Variants in PIP5K1B observed in about 807,000 individuals in gnomAD.
PIP5K1B encodes phosphatidylinositol-4-phosphate 5-kinase type 1 beta.
PIP5K1B carries 42 observed loss-of-function variants against 67.0 expected under a neutral mutation model. The ratio of observed to expected loss-of-function variants is 0.63; its 90% CI spans 0.49 to 0.81. PIP5K1B has a LOEUF of 0.81. Among genes scored for constraint, PIP5K1B ranks in the 30% least tolerant of loss-of-function variants. The pLI is 0.00. For missense variants in PIP5K1B, 459 were observed against 646.3 expected, an observed-to-expected ratio of 0.71 and a Z score of 3.14; for synonymous variants, 214 against 231.4, an observed-to-expected ratio of 0.92 and a Z score of 0.68.
At chr9:68,774,396 C>T (rs1221316745) in intron 2 of PIP5K1B, among the ~76,000 whole-genome samples, 1 of 152,186 alleles carries the variant, frequency 6.6e-6, no homozygotes, top group Non-Finnish European at 1.5e-5. Flanking sequence ...GGAAGCTCAG[C>T]ATTCCAGTTT....
intron 13 of PIP5K1B, among the ~76,000 whole-genome samples, chr9:68,936,571 AG>A (rs1164728132): frequency 2.0e-5 from 3 of 152,096 alleles, no homozygotes; most frequent in African/African-American, 7.2e-5. Context: ...GACCTCTTCT[AG>A]GGGTTTTCTT....
intron 12 of PIP5K1B, among the ~76,000 whole-genome samples, chr9:68,934,684 A>ATTT (rs1827164509): frequency 6.6e-6 from 1 of 152,246 alleles, no homozygotes; most frequent in Non-Finnish European, 1.5e-5. Flanking sequence ...AAGTCAAGTC[A>ATTT]TTTTGGACAA....
At chr9:68,878,243 A>C (rs1824003155) in intron 6 of PIP5K1B, among the ~76,000 whole-genome samples, 1 of 152,170 alleles carries the variant, frequency 6.6e-6, no homozygotes, top group African/African-American at 2.4e-5. Context: ...CACCAGCTGA[A>C]GAGATGCCTT....
chr9:68,923,148 G>A, intron 11 of PIP5K1B, among the ~76,000 whole-genome samples, 154 bp from the exon 12 acceptor site: 1 of 152,084 alleles, frequency 6.6e-6, no homozygotes, highest in East Asian at 1.9e-4. Flanking sequence ...AGACTCCTGG[G>A]CCCCACGGGC....
rs760855463 is a variant in PIP5K1B at position 68,946,338 on chromosome 9, C to T, written c.1502+5548C>T. On this transcript the variant is annotated intron_variant, in intron 14 of 15. Transcript: ENST00000265382. ...ACAGCCCCTAGTAGGATGATGCACT[C>T]GTTGATGCTAAACATTGAAGACGAC... 1.2e-3 allele frequency among the ~76,000 whole-genome samples: 183 copies of T among 152,122 alleles called. 6 individuals carry two copies. Among genetic ancestry groups the T allele is most frequent in the Non-Finnish European group, 1.2e-3 (82 of 68,022 alleles).
intron 6 of PIP5K1B, among the ~76,000 whole-genome samples, chr9:68,884,073 T>C (rs1338303539): frequency 6.6e-6 from 1 of 152,074 alleles, no homozygotes; most frequent in Non-Finnish European, 1.5e-5. Flanking sequence ...AGGGGAAAAT[T>C]GCGCAGTATT....
intron 4 of PIP5K1B, among the ~76,000 whole-genome samples, chr9:68,830,372 T>C (rs1834245949): frequency 6.6e-6 from 1 of 152,158 alleles, no homozygotes. Flanking sequence ...TTATGAGTTT[T>C]AAGCAGGACA....
chr9:68,925,796 T>TTTTTTTTTTTTTC lies in PIP5K1B; in HGVS notation c.1201+2422_1201+2423insCTTTTTTTTTTTT, dbSNP rs1554739086. Among the ~76,000 whole-genome samples, 50 of 43,336 alleles carry TTTTTTTTTTTTTC rather than the reference T, an allele frequency of 1.2e-3. 4 individuals are homozygous for TTTTTTTTTTTTTC. The highest frequency in any genetic ancestry group is 2.8e-3 in the African/African-American group (44 of 15,562). 28.4% of individuals were successfully genotyped at this position (43,336 alleles called of 152,430 possible). ...CATGAATACCAGCTTGTGGTTCCAATTTTTTTTTTTTTTTTTTTTGAGACA... is the reference window on the plus strand; with the variant it reads ...CATGAATACCAGCTTGTGGTTCCAATTTTTTTTTTTTTCTTTTTTTTTTTTTTTTTTTGAGACA... On this transcript the variant is annotated intron_variant, in intron 12 of 15. Coordinates refer to ENST00000265382, the MANE Select transcript of PIP5K1B (RefSeq NM_003558.4).
chr9:68,992,785 A>C lies in PIP5K1B; in HGVS notation c.1620+1528A>C, dbSNP rs112015497. On this transcript the variant is annotated intron_variant, in intron 15 of 15. Transcript: ENST00000265382. ...CACCTGGGAGGCGGAGGTTGCAATG[A>C]GCCGAGATCATGCCACTGCATTCCC... Among the ~76,000 whole-genome samples the C allele has an allele frequency of 5.8e-3, 780 of 135,624 alleles. 5 individuals are homozygous for C. The highest frequency in any genetic ancestry group is 0.02 in the African/African-American group (709 of 35,400). The allele number at this position is 135,624 out of a possible 152,430, so 89.0% of individuals were successfully genotyped here.
chr9:68,734,215 A>G (rs1241133904), intron 1 of PIP5K1B, among the ~76,000 whole-genome samples: 1 of 152,232 alleles, frequency 6.6e-6, no homozygotes, highest in East Asian at 1.9e-4. Context: ...ATCAAGGCAC[A>G]AAGTATATAC....
chr9:68,856,600 T>C (rs1822791098), intron 4 of PIP5K1B, among the ~76,000 whole-genome samples: 1 of 152,226 alleles, frequency 6.6e-6, no homozygotes, highest in Non-Finnish European at 1.5e-5. Context: ...TTTGTCTGTT[T>C]AATGTCTCTT....
intron 2 of PIP5K1B, chr9:68,786,172 A>T (rs1160902446): frequency 6.6e-6 from 1 of 152,208 alleles, no homozygotes; most frequent in Non-Finnish European, 1.5e-5. Flanking sequence ...CCAGATTGTG[A>T]TTCCCTTATG....
chr9:68,779,897 T>G, intron 2 of PIP5K1B: 1 of 434,574 alleles, frequency 2.3e-6, no homozygotes, highest in African/African-American at 2.0e-5. Flanking sequence ...GAGCTTGCGC[T>G]CAATAGCTAT....
intron 1 of PIP5K1B, among the ~76,000 whole-genome samples, chr9:68,726,799 A>G (rs555721316): frequency 6.6e-6 from 1 of 152,302 alleles, no homozygotes; most frequent in African/African-American, 2.4e-5. Context: ...TTATGAACAC[A>G]TGGTATGATC....
At chr9:68,921,382 G>A (rs929281529) in intron 11 of PIP5K1B, among the ~76,000 whole-genome samples, 1 of 152,044 alleles carries the variant, frequency 6.6e-6, no homozygotes, top group Non-Finnish European at 1.5e-5. Flanking sequence ...GGTCAATATG[G>A]TAGGTTAATT....
chr9:68,759,627 C>T (rs947488965), intron 2 of PIP5K1B, among the ~76,000 whole-genome samples: 5 of 151,994 alleles, frequency 3.3e-5, no homozygotes, highest in Admixed American at 3.3e-4. Flanking sequence ...GTTCTAAACA[C>T]ACCAATTAAA....
chr9:68,991,549 G>A (rs1007269452), intron 15 of PIP5K1B, among the ~76,000 whole-genome samples: 2 of 152,220 alleles, frequency 1.3e-5, no homozygotes, highest in Non-Finnish European at 2.9e-5. Context: ...GCGAGGAAAT[G>A]TTTCCCTTTG....
At chr9:69,003,396 A>T (rs771184334) in intron 15 of PIP5K1B, among the ~76,000 whole-genome samples, 2 of 150,176 alleles carry the variant, frequency 1.3e-5, no homozygotes, top group African/African-American at 2.4e-5. Context: ...CAAAGTGAGG[A>T]TTTCCTGGAC....
intron 7 of PIP5K1B, among the ~76,000 whole-genome samples, chr9:68,891,145 G>A (rs1469254268): frequency 6.6e-6 from 1 of 152,206 alleles, no homozygotes; most frequent in Non-Finnish European, 1.5e-5. Flanking sequence ...CTACTTGGGA[G>A]GCTGAGAAGT....
Sources: allele counts gnomAD v4.1 joint callset (sites outside exome capture counted in the v4.1 genomes callset), GRCh38; gene constraint gnomAD v4.1.1; transcripts MANE v1.5; gene names NCBI Gene and HGNC (gene_info 2026-07-23, HGNC 2026-07-21).